Variants in WDR41 observed in about 807,000 individuals in gnomAD.
WDR41 encodes WD repeat domain 41, also known as WD repeat-containing protein 41.
A neutral mutation model predicts 69.3 loss-of-function variants in WDR41; 63 were observed. The observed-to-expected ratio is 0.91, with a 90% confidence interval of 0.74 to 1.12. The LOEUF (loss-of-function observed/expected upper bound fraction) is 1.12, where lower values mean the gene tolerates loss of function less well. Ranked by LOEUF, WDR41 falls within the 50% of genes most tolerant of loss-of-function variation. The pLI, the probability that WDR41 is intolerant of heterozygous loss-of-function variation, is 0.00. For synonymous variants in WDR41, 185 were observed against 192.1 expected (o/e 0.96, Z 0.31); for missense variants, 543 against 534.5 (o/e 1.02, Z -0.16).
At chr5:77,478,094 C>T (rs552993116) in intron 2 of WDR41, among the ~76,000 whole-genome samples, 14 of 152,206 alleles carry the variant, frequency 9.2e-5, no homozygotes, top group East Asian at 3.9e-4. Context: ...ATAAATTCCT[C>T]GACACATACA....
chr5:77,611,905 A>T (rs1255051175), intron 1 of WDR41, among the ~76,000 whole-genome samples: 1 of 152,184 alleles, frequency 6.6e-6, no homozygotes, highest in Non-Finnish European at 1.5e-5. Flanking sequence ...CAAGACTAAT[A>T]AAGAAAAAAA....
chr5:77,605,048 G>C (rs1372067546), intron 1 of WDR41, among the ~76,000 whole-genome samples: 2 of 152,148 alleles, frequency 1.3e-5, no homozygotes, highest in African/African-American at 4.8e-5. Context: ...TGGGAGGAAG[G>C]CTTTCTACTA....
intron 8 of WDR41, among the ~76,000 whole-genome samples, chr5:77,444,815 G>C (rs1320426534): frequency 6.6e-6 from 1 of 152,194 alleles, no homozygotes; most frequent in South Asian, 2.1e-4. Flanking sequence ...ACTTGGTCAT[G>C]TTTGATTCCT....
intron 1 of WDR41, among the ~76,000 whole-genome samples, chr5:77,575,499 G>A (rs553263843): frequency 6.6e-6 from 1 of 152,260 alleles, no homozygotes; most frequent in East Asian, 1.9e-4. Context: ...TCATATAGCA[G>A]AAACTGAAAA....
chr5:77,467,005 T>G (rs1800336139), intron 2 of WDR41, among the ~76,000 whole-genome samples: 1 of 151,802 alleles, frequency 6.6e-6, no homozygotes, highest in African/African-American at 2.4e-5. Context: ...TAGCTATACT[T>G]TATCAGTTTA....
In WDR41 at chr5:77,492,224, G is replaced by A. The variant is rs1348760868; in HGVS notation, c.-4C>T. ...CCCCGATCAGCCATCGCAACATCCGGGCAGCGGCGGCGTCTTGCCCGGTCC... is the reference window on the plus strand; with the variant it reads ...CCCCGATCAGCCATCGCAACATCCGAGCAGCGGCGGCGTCTTGCCCGGTCC... On this transcript the variant is annotated 5_prime_UTR_variant, in exon 1 of 13. Transcript: ENST00000296679. The A allele has an allele frequency of 6.2e-7, 1 of 1,612,502 alleles. No individual in the cohort carries two copies. The highest frequency in any genetic ancestry group is 1.7e-5 in the Admixed American group (1 of 59,880).
At chr5:77,517,971 A>G (rs2112185337) in intron 1 of WDR41, among the ~76,000 whole-genome samples, 1 of 152,270 alleles carries the variant, frequency 6.6e-6, no homozygotes, top group Admixed American at 6.5e-5. Flanking sequence ...TCTTAACAAT[A>G]TTCAGCAAAC....
intron 1 of WDR41, among the ~76,000 whole-genome samples, chr5:77,547,222 T>C (rs1339803685): frequency 6.6e-6 from 1 of 152,054 alleles, no homozygotes; most frequent in African/African-American, 2.4e-5. Flanking sequence ...AAGACAGGGA[T>C]GCCCACTCTC....
chr5:77,523,090 G>A lies in WDR41; in HGVS notation c.43-33518C>T, dbSNP rs557105244. 5.3e-5 allele frequency among the ~76,000 whole-genome samples: 8 copies of A among 152,150 alleles called. No homozygotes were observed. The South Asian group carries it at 1.7e-3, about 32-fold the overall frequency. Reference sequence around the variant, plus strand: ...ACACTTTGGGAGGCTGAGGCAGGTGGATCACCTGAGGTCAGGAGTTTGAGA... The same window carrying A: ...ACACTTTGGGAGGCTGAGGCAGGTGAATCACCTGAGGTCAGGAGTTTGAGA... On this transcript the variant is annotated intron_variant, in intron 1 of 5. Coordinates refer to the WDR41 transcript ENST00000509971.
intron 1 of WDR41, among the ~76,000 whole-genome samples, chr5:77,580,643 T>C (rs1238373270): frequency 6.6e-6 from 1 of 150,650 alleles, no homozygotes; most frequent in African/African-American, 2.4e-5. Context: ...ACAAAAGAAA[T>C]GGAAAAAAAA....
At chr5:77,545,921 T>G in intron 1 of WDR41, 1 of 512,934 alleles carries the variant, frequency 1.9e-6, no homozygotes, top group Non-Finnish European at 3.4e-6. Context: ...GAAAGCCCCA[T>G]GCCATCCCTT....
chr5:77,561,771 AT>A (rs1429144684), intron 1 of WDR41, among the ~76,000 whole-genome samples: 1 of 152,184 alleles, frequency 6.6e-6, no homozygotes, highest in Non-Finnish European at 1.5e-5. Context: ...AATGAAAACT[AT>A]TTTTATATAA....
intron 1 of WDR41, among the ~76,000 whole-genome samples, chr5:77,510,251 C>G (rs1291005338): frequency 6.6e-6 from 1 of 152,102 alleles, no homozygotes; most frequent in Non-Finnish European, 1.5e-5. Context: ...CAGAGAAACT[C>G]CCGTTTTTAA....
intron 8 of WDR41, among the ~76,000 whole-genome samples, chr5:77,449,501 C>CCAAG (rs1345693467): frequency 6.6e-6 from 1 of 152,186 alleles, no homozygotes; most frequent in Non-Finnish European, 1.5e-5. Flanking sequence ...CCCACAGCTA[C>CCAAG]CAAGCAGTGC....
intron 1 of WDR41, among the ~76,000 whole-genome samples, chr5:77,514,652 G>A (rs544955411): frequency 6.6e-6 from 1 of 152,164 alleles, no homozygotes; most frequent in African/African-American, 2.4e-5. Flanking sequence ...CACATTCTGA[G>A]AAATGTGTTG....
intron 1 of WDR41, among the ~76,000 whole-genome samples, chr5:77,524,824 A>G (rs1397597319): frequency 6.6e-6 from 1 of 152,254 alleles, no homozygotes; most frequent in Non-Finnish European, 1.5e-5. Flanking sequence ...TGGAGAGGAC[A>G]GTCTTAGCCT....
chr5:77,503,190 C>CAAAA (rs144057313), intron 1 of WDR41, among the ~76,000 whole-genome samples: 2,118 of 74,234 alleles, frequency 0.029, 84 homozygotes, highest in South Asian at 0.15. Context: ...AAATGGAAAG[C>CAAAA]AAAAAAAAAA....
chr5:77,512,719 C>G (rs1196924567), intron 1 of WDR41, among the ~76,000 whole-genome samples: 1 of 132,106 alleles, frequency 7.6e-6, no homozygotes, highest in Non-Finnish European at 1.6e-5. Context: ...GCACTCTAGC[C>G]TGGCGAGAGA....
intron 1 of WDR41, among the ~76,000 whole-genome samples, chr5:77,517,280 TAC>T (rs931015351): frequency 1.3e-5 from 2 of 152,094 alleles, no homozygotes; most frequent in African/African-American, 4.8e-5. Flanking sequence ...TCAAATAACC[TAC>T]AGATATAATT....
Sources: gnomAD v4.1 joint callset for allele counts (sites outside exome capture counted in the v4.1 genomes callset) on GRCh38, gnomAD v4.1.1 for gene constraint, MANE v1.5 for transcripts, NCBI Gene and HGNC (gene_info 2026-07-23, HGNC 2026-07-21) for gene names.